Variants in SLC25A12 observed in about 807,000 individuals in gnomAD.
SLC25A12 encodes electrogenic aspartate/glutamate antiporter SLC25A12, mitochondrial.
In SLC25A12, 32 loss-of-function variants were observed where a neutral mutation model predicts 83.3. The ratio of observed to expected loss-of-function variants is 0.38; its 90% CI spans 0.29 to 0.52. The LOEUF (loss-of-function observed/expected upper bound fraction) is 0.52, where lower values mean the gene tolerates loss of function less well. Ranked by LOEUF, SLC25A12 falls within the 20% of genes least tolerant of loss-of-function variation. The pLI, the probability that SLC25A12 is intolerant of heterozygous loss-of-function variation, is 0.84. For synonymous variants in SLC25A12, 267 were observed against 291.1 expected, an observed-to-expected ratio of 0.92 and a Z score of 0.84; for missense variants, 611 against 835.6, an observed-to-expected ratio of 0.73 and a Z score of 3.31.
At chr2:171,801,322 T>C (rs559246756) in intron 13 of SLC25A12, among the ~76,000 whole-genome samples, 1 of 152,308 alleles carries the variant, frequency 6.6e-6, no homozygotes, top group South Asian at 2.1e-4. Context: ...GCTGTGTAAA[T>C]TGGGGTAAGA....
Position 171,834,847 on chromosome 2 carries a change from A to C in SLC25A12, c.631T>G (p.Ser211Ala). 1 of 1,613,954 alleles carries C rather than the reference A, an allele frequency of 6.2e-7. No homozygotes were observed. Among genetic ancestry groups the C allele is most frequent in the South Asian group, 1.1e-5 (1 of 91,080 alleles). Reference protein sequence around the residue: ...NLVSAAGGSISHQVSFSYFNA... With the variant: ...NLVSAAGGSIAHQVSFSYFNA... The stretch of plus-strand genomic sequence containing the variant: ...AAGTAGGAGAAGCTAACCTGGTGTG[A>C]GATACTTCCTCCAGCTGCCTAGAAA... The change falls in exon 7 of 18, where the codon TCA becomes GCA. Residue 211 changes from serine to alanine, a missense_variant. Physicochemically the swap from Ser to Ala is moderately conservative, Grantham distance 99. Transcript: ENST00000422440.
At chr2:171,864,346 C>T (rs1330614033) in intron 3 of SLC25A12, among the ~76,000 whole-genome samples, 2 of 152,182 alleles carry the variant, frequency 1.3e-5, no homozygotes, top group African/African-American at 4.8e-5. Flanking sequence ...ATAATACAGC[C>T]ATATATGATT....
At chr2:171,811,021 A>G (rs895103212) in intron 11 of SLC25A12, among the ~76,000 whole-genome samples, 1 of 152,254 alleles carries the variant, frequency 6.6e-6, no homozygotes, top group African/African-American at 2.4e-5. Flanking sequence ...AAAGAAAAAA[A>G]TAAACAATTC....
rs1190155099 is a variant in SLC25A12, at chr2:171,881,485, C to G, written c.66+11720G>C. On this transcript the variant is annotated intron_variant, in intron 2 of 17. Coordinates refer to ENST00000422440, the MANE Select transcript of SLC25A12 (RefSeq NM_003705.5). ...TCTGTGTAAATGTATGGGGAAAGATCAGAAAGAAACACGACCAAGAACAGT... is the reference window on the plus strand; with the variant it reads ...TCTGTGTAAATGTATGGGGAAAGATGAGAAAGAAACACGACCAAGAACAGT... Among the ~76,000 whole-genome samples, 3 of 152,062 alleles carry G rather than the reference C, an allele frequency of 2.0e-5. No individual in the cohort carries two copies. The South Asian group carries it at 6.2e-4, about 32-fold the overall frequency.
intron 2 of SLC25A12, among the ~76,000 whole-genome samples, chr2:171,887,407 C>T (rs905116820): frequency 5.9e-5 from 9 of 152,308 alleles, no homozygotes; most frequent in South Asian, 2.1e-4. Context: ...AATATAGTTG[C>T]AGTCTTAACA....
chr2:171,884,941 C>A (rs577100615), intron 2 of SLC25A12, among the ~76,000 whole-genome samples: 1 of 151,248 alleles, frequency 6.6e-6, no homozygotes. Context: ...CGGCCAGGTG[C>A]GGTGGCTCAC....
At chr2:171,802,548 G>A (rs1488957743) in intron 13 of SLC25A12, among the ~76,000 whole-genome samples, 4 of 152,106 alleles carry the variant, frequency 2.6e-5, no homozygotes, top group Admixed American at 1.3e-4. Flanking sequence ...AGGCTGAAGT[G>A]GGTGGATCAC....
At chr2:171,848,760 C>A (rs917495165) in intron 4 of SLC25A12, among the ~76,000 whole-genome samples, 1 of 152,240 alleles carries the variant, frequency 6.6e-6, no homozygotes, top group African/African-American at 2.4e-5. Flanking sequence ...TCCTGAATGA[C>A]CTCCTGTTTC....
At chr2:171,790,626 G>A (rs1340064063) in intron 15 of SLC25A12, among the ~76,000 whole-genome samples, 1 of 152,206 alleles carries the variant, frequency 6.6e-6, no homozygotes, top group Non-Finnish European at 1.5e-5. Flanking sequence ...AGGCAAGGAT[G>A]AAGAGAATGA....
chr2:171,875,679 G>A (rs542357783), intron 2 of SLC25A12, among the ~76,000 whole-genome samples: 3 of 151,960 alleles, frequency 2.0e-5, no homozygotes, highest in South Asian at 2.1e-4. Flanking sequence ...TTTGGGAGGC[G>A]GAGACGGGTG....
Position 171,785,147 on chromosome 2 carries a change from A to ATT in SLC25A12, c.*126_*127insAA. 1.2e-6 allele frequency: 1 copy of ATT among 825,350 alleles called. No homozygotes were observed. The highest frequency in any genetic ancestry group is 1.4e-5 in the South Asian group (1 of 69,760). 51.1% of individuals were successfully genotyped at this position (825,350 alleles called of 1,614,324 possible). ...TTATAAACAAGTATATGTATATGTCATACAGAAAGAAGAGTTTGACTCCTC... is the reference window on the plus strand; with the variant it reads ...TTATAAACAAGTATATGTATATGTCATTTACAGAAAGAAGAGTTTGACTCCTC... On this transcript the variant is annotated 3_prime_UTR_variant, in exon 18 of 18. Coordinates refer to ENST00000422440, the MANE Select transcript of SLC25A12 (RefSeq NM_003705.5).
intron 5 of SLC25A12, among the ~76,000 whole-genome samples, chr2:171,843,793 A>G (rs1311431950): frequency 1.6e-5 from 2 of 122,834 alleles, no homozygotes; most frequent in Non-Finnish European, 3.4e-5. Flanking sequence ...TGAAAGAACT[A>G]GCTTTTTTTT....
rs1476130521 is a variant in SLC25A12, at chr2:171,783,883, G to A, written c.*1391C>T. 1.3e-5 allele frequency among the ~76,000 whole-genome samples: 2 copies of A among 152,140 alleles called. No homozygotes were observed. Among genetic ancestry groups the A allele is most frequent in the African/African-American group, 4.8e-5 (2 of 41,414 alleles). ...ACAGGGCTGTCAGCCATCAATCGAGGAGCACTGTGCAGGATACTAAGTAAC... is the reference window on the plus strand; with the variant it reads ...ACAGGGCTGTCAGCCATCAATCGAGAAGCACTGTGCAGGATACTAAGTAAC... On this transcript the variant is annotated 3_prime_UTR_variant, in exon 18 of 18. Transcript: ENST00000422440.
At chr2:171,849,118 A>G (rs1684858117) in intron 4 of SLC25A12, among the ~76,000 whole-genome samples, 1 of 151,174 alleles carries the variant, frequency 6.6e-6, no homozygotes, top group African/African-American at 2.4e-5. Context: ...AGAACCCAGG[A>G]GGTGGAGGTT....
chr2:171,863,325 A>T (rs1303379035), intron 3 of SLC25A12, among the ~76,000 whole-genome samples: 1 of 152,144 alleles, frequency 6.6e-6, no homozygotes, highest in Non-Finnish European at 1.5e-5. Context: ...GGAGTTCGAG[A>T]CAACAAGCCT....
intron 9 of SLC25A12, among the ~76,000 whole-genome samples, chr2:171,817,823 A>G (rs879132031): frequency 6.6e-6 from 1 of 152,108 alleles, no homozygotes; most frequent in Admixed American, 6.5e-5. Flanking sequence ...ATTCATATAA[A>G]AGGTTTCTCC....
chr2:171,803,424 A>G (rs1228179738), intron 13 of SLC25A12, among the ~76,000 whole-genome samples: 4 of 152,256 alleles, frequency 2.6e-5, no homozygotes, highest in Non-Finnish European at 5.9e-5. Context: ...TCTAGAATAT[A>G]CAAAGAACTC....
Position 171,855,963 on chromosome 2 carries a change from T to C in SLC25A12, c.210-14A>G. ...TAGGAGATCAACCTGGAATAAAATA[T>C]AAAACGTCATTGGCTGGTGAAGAAA... On this transcript the variant is annotated splice_polypyrimidine_tract_variant and intron_variant, in intron 3 of 17. Coordinates refer to ENST00000422440, the MANE Select transcript of SLC25A12 (RefSeq NM_003705.5). 1.4e-6 allele frequency: 2 copies of C among 1,409,826 alleles called. No individual in the cohort carries two copies. The highest frequency in any genetic ancestry group is 2.0e-6 in the Non-Finnish European group (2 of 993,780). 87.3% of individuals were successfully genotyped at this position (1,409,826 alleles called of 1,614,324 possible).
intron 15 of SLC25A12, 158 bp from the exon 16 acceptor site, chr2:171,788,105 G>T: frequency 1.4e-6 from 1 of 689,910 alleles, no homozygotes; most frequent in South Asian, 1.7e-5. Context: ...GGGCATAGAA[G>T]CCTATTAGCT....
Sources: gnomAD v4.1 joint callset for allele counts (sites outside exome capture counted in the v4.1 genomes callset) on GRCh38, gnomAD v4.1.1 for gene constraint, MANE v1.5 for transcripts, NCBI Gene and HGNC (gene_info 2026-07-23, HGNC 2026-07-21) for gene names.